The following CTDNEP1 variants were observed in gnomAD, a reference collection of about 807,000 sequenced individuals.
CTDNEP1 encodes the protein CTD nuclear envelope phosphatase 1.
In CTDNEP1, 3 loss-of-function variants were observed where a neutral mutation model predicts 30.1. That is an observed-to-expected ratio of 0.10 (90% CI 0.05 to 0.26). The LOEUF is 0.26. CTDNEP1 is among the 10% of genes least tolerant of loss of function. The probability of loss-of-function intolerance (pLI) is 1.00; values close to 1 mark genes in which losing one functional copy is unlikely to be tolerated. For missense variants in CTDNEP1, 158 were observed against 310.4 expected (o/e 0.51, Z 3.69); for synonymous variants, 123 against 118.8 (o/e 1.04, Z -0.23).
At chr17:7,249,969 A>G (rs1038983348) in intron 1 of CTDNEP1, among the ~76,000 whole-genome samples, 1 of 151,570 alleles carries the variant, frequency 6.6e-6, no homozygotes, top group Non-Finnish European at 1.5e-5. Context: ...TCTGACCCTA[A>G]ATTTTTCTTG....
At position 7,251,337 on chromosome 17, in the gene CTDNEP1, C is replaced by G. The variant is rs748427023; in HGVS notation, c.-41G>C. 1 of 1,357,896 alleles carries G rather than the reference C, an allele frequency of 7.4e-7. No homozygotes were observed. Among genetic ancestry groups the G allele is most frequent in the Non-Finnish European group, 9.7e-7 (1 of 1,034,504 alleles). 84.1% of individuals were successfully genotyped at this position (1,357,896 alleles called of 1,614,324 possible). ...ACCGCCGGCCCCGGGGCCCCCGCGG[C>G]CCAGCTCCGCCAGCCCCCCGGGGGC... On this transcript the variant is annotated 5_prime_UTR_variant, in exon 1 of 8. Coordinates refer to ENST00000574322, the MANE Select transcript of CTDNEP1 (RefSeq NM_001143775.2).
In CTDNEP1 at chr17:7,247,289, G is replaced by A. The variant is rs139189886; in HGVS notation, c.157C>T (p.Arg53Trp). ...YDILPLSPVS[R>W]NRLAQVKRKI... Reference sequence around the variant, plus strand: ...ACCACATACTTACCTAGCCGATTCCGGGACACAGGAGATAAGGGGAGGATA... The same window carrying A: ...ACCACATACTTACCTAGCCGATTCCAGGACACAGGAGATAAGGGGAGGATA... Residue 53 changes from arginine (R) to tryptophan (W), a missense_variant, in exon 2 of 8, where the codon CGG (arginine) becomes TGG (tryptophan). Arg to Trp is a moderately radical substitution (Grantham distance 101, BLOSUM62 -3). This residue lies in a region of CTDNEP1 where 62 missense variants were observed against 81.4 expected (regional missense o/e 0.76). Transcript: ENST00000574322. 393 of 1,613,786 alleles carry A rather than the reference G, an allele frequency of 2.4e-4. 1 individual carries two copies. The highest frequency in any genetic ancestry group is 3.2e-4 in the Non-Finnish European group (377 of 1,179,954).
Position 7,246,874 on chromosome 17 carries a change from C to G in CTDNEP1, c.289-12G>C, listed in dbSNP as rs546218561. 2 of 1,612,230 alleles carry G rather than the reference C, an allele frequency of 1.2e-6. No homozygotes were observed. Among genetic ancestry groups the G allele is most frequent in the Non-Finnish European group, 1.7e-6 (2 of 1,178,428 alleles). On this transcript the variant is annotated splice_polypyrimidine_tract_variant and intron_variant, in intron 3 of 7. Coordinates refer to ENST00000574322, the MANE Select transcript of CTDNEP1 (RefSeq NM_001143775.2). The surrounding 1 kb of genome is among the most constrained non-coding windows in gnomAD (Gnocchi z 4.9). The stretch of plus-strand genomic sequence containing the variant: ...TTGTCTATTACCACCTACAGAGGAA[C>G]AAGATGGGCTGGGGGATGTCATGAC...
intron 7 of CTDNEP1, 58 bp from the exon 8 acceptor site, chr17:7,244,303 C>G: frequency 7.1e-6 from 11 of 1,550,686 alleles, no homozygotes; most frequent in South Asian, 1.1e-5. Context: ...CCTCACAACA[C>G]TCTTGTAAGG....
At chr17:7,250,210 T>TA (rs1332021416) in intron 1 of CTDNEP1, among the ~76,000 whole-genome samples, 1 of 152,094 alleles carries the variant, frequency 6.6e-6, no homozygotes, top group African/African-American at 2.4e-5. Context: ...TTTCAAATTG[T>TA]ATTGAGGTAT....
intron 1 of CTDNEP1, among the ~76,000 whole-genome samples, chr17:7,247,594 T>G (rs1401748023): frequency 6.6e-6 from 1 of 151,020 alleles, no homozygotes. Context: ...TCAGCCTCCC[T>G]AATAGCTGGG....
chr17:7,251,433 C>A lies in CTDNEP1; in HGVS notation c.-137G>T. 1 of 508,250 alleles carries A rather than the reference C, an allele frequency of 2.0e-6. No homozygotes were observed. Among genetic ancestry groups the A allele is most frequent in the South Asian group, 4.6e-5 (1 of 21,610 alleles). The allele number at this position is 508,250 out of a possible 1,614,324, so 31.5% of individuals were successfully genotyped here. A position where few individuals can be genotyped will look rare whatever the true frequency, so the allele number is the denominator to read the frequency against. ...AGAGGCTGCAGAGAGGGGCACGGAG[C>A]GGGCGGCTCAGAAAGCCACCCCTGG... is the stretch of plus-strand genomic sequence containing the variant. On this transcript the variant is annotated 5_prime_UTR_variant, in exon 1 of 8. Coordinates refer to ENST00000574322, the MANE Select transcript of CTDNEP1 (RefSeq NM_001143775.2).
At position 7,247,265 on chromosome 17, in the gene CTDNEP1, C is replaced by A. The variant is rs374633194; in HGVS notation, c.169+12G>T. Reference sequence around the variant, plus strand: ...ACTTCACCCTAAAGGAGGCTTCCCACCACATACTTACCTAGCCGATTCCGG... The same window carrying A: ...ACTTCACCCTAAAGGAGGCTTCCCAACACATACTTACCTAGCCGATTCCGG... On this transcript the variant is annotated intron_variant, in intron 2 of 7. Coordinates refer to ENST00000574322, the MANE Select transcript of CTDNEP1 (RefSeq NM_001143775.2). The A allele has an allele frequency of 1.2e-6, 2 of 1,613,756 alleles. No individual in the cohort carries two copies. Among genetic ancestry groups the A allele is most frequent in the East Asian group, 4.5e-5 (2 of 44,874 alleles).
intron 1 of CTDNEP1, 28 bp downstream of exon 1, chr17:7,251,167 A>C (rs201948329): frequency 1.9e-5 from 29 of 1,548,814 alleles, no homozygotes; most frequent in Non-Finnish European, 2.6e-6. Flanking sequence ...AGACGTCCCC[A>C]ACACCGCCAG....
At chr17:7,244,505 C>T (rs1469672153) in intron 7 of CTDNEP1, 46 bp downstream of exon 7, 1 of 1,519,282 alleles carries the variant, frequency 6.6e-7, no homozygotes, top group Admixed American at 1.7e-5. Flanking sequence ...TCCCCCACCT[C>T]CTCCTTTCTT....
At chr17:7,244,279 C>G (rs377387844) in intron 7 of CTDNEP1, 34 bp from the exon 8 acceptor site, 13 of 1,608,430 alleles carry the variant, frequency 8.1e-6, no homozygotes, top group Non-Finnish European at 8.5e-6. Flanking sequence ...GGTAGAGTAC[C>G]TTATAGTTCA....
intron 6 of CTDNEP1, 182 bp from the exon 7 acceptor site, chr17:7,244,817 A>C (rs2071815966): frequency 1.3e-4 from 73 of 554,276 alleles, no homozygotes; most frequent in East Asian, 3.5e-4. Context: ...ACCAGATCTC[A>C]TACCTATTGA....
intron 6 of CTDNEP1, chr17:7,244,897 C>T (rs935555410): frequency 8.0e-6 from 3 of 377,090 alleles, no homozygotes; most frequent in Middle Eastern, 7.9e-4. Context: ...GTGGCTCACA[C>T]CTGTTATCCC....
chr17:7,249,020 C>T (rs1220082297), intron 1 of CTDNEP1, among the ~76,000 whole-genome samples: 2 of 152,144 alleles, frequency 1.3e-5, no homozygotes, highest in Non-Finnish European at 2.9e-5. Flanking sequence ...GCAAAGAACA[C>T]TGGAAAGCCC....
chr17:7,243,910 AAC>A lies in CTDNEP1; in HGVS notation c.*273_*274del. 1 of 1,300,146 alleles carries A rather than the reference AAC, an allele frequency of 7.7e-7. No individual in the cohort carries two copies. The highest frequency in any genetic ancestry group is 9.8e-7 in the Non-Finnish European group (1 of 1,016,400). 80.5% of individuals were successfully genotyped at this position (1,300,146 alleles called of 1,614,324 possible). On this transcript the variant is annotated 3_prime_UTR_variant, in exon 8 of 8. Transcript: ENST00000574322. ...CTCTGGCCAGTCCTGCCTCTTCACA[AAC>A]ACTGATTCGGCTCTCCTAGGCTTCC...
intron 1 of CTDNEP1, among the ~76,000 whole-genome samples, chr17:7,248,765 G>C (rs1453199339): frequency 6.6e-6 from 1 of 152,178 alleles, no homozygotes; most frequent in Non-Finnish European, 1.5e-5. Context: ...CCATCATTGG[G>C]AACTAAGTGC....
At chr17:7,250,687 G>A (rs2071905116) in intron 1 of CTDNEP1, among the ~76,000 whole-genome samples, 1 of 152,122 alleles carries the variant, frequency 6.6e-6, no homozygotes, top group Admixed American at 6.5e-5. Flanking sequence ...GGAACCGCAG[G>A]CGTTTCTCCT....
chr17:7,244,414 T>A lies in CTDNEP1; in HGVS notation c.674+137A>T, dbSNP rs577682069. The A allele has an allele frequency of 3.4e-6, 4 of 1,179,646 alleles. No homozygotes were observed. In the African/African-American group the frequency reaches 4.5e-5, roughly 13 times the overall value. 73.1% of individuals were successfully genotyped at this position (1,179,646 alleles called of 1,614,324 possible). A position where few individuals can be genotyped will look rare whatever the true frequency, so the allele number is the denominator to read the frequency against. ...CTAGCTAAAGTGATGAGCTTTGAAGTAAGACGACCTGGGTCCAAATGTTAA... is the reference window on the plus strand; with the variant it reads ...CTAGCTAAAGTGATGAGCTTTGAAGAAAGACGACCTGGGTCCAAATGTTAA... On this transcript the variant is annotated intron_variant, in intron 7 of 7. Transcript: ENST00000574322.
chr17:7,245,286 T>C (rs2071821157), intron 6 of CTDNEP1, among the ~76,000 whole-genome samples: 1 of 149,920 alleles, frequency 6.7e-6, no homozygotes, highest in Non-Finnish European at 1.5e-5. Context: ...TGCGAGACTC[T>C]GTCTCAAAAA....
Sources: gnomAD v4.1 joint callset for allele counts (sites outside exome capture counted in the v4.1 genomes callset) on GRCh38, gnomAD v4.1.1 for gene constraint, gnomAD v4.1.1 regional missense constraint, Gnocchi (gnomAD v3.1) non-coding constraint, MANE v1.5 for transcripts, NCBI Gene and HGNC (gene_info 2026-07-23, HGNC 2026-07-21) for gene names.